The following CHN1 variants were observed in gnomAD, a reference collection of about 807,000 sequenced individuals.
CHN1 encodes the protein N-chimaerin.
A neutral mutation model predicts 59.5 loss-of-function variants in CHN1; 37 were observed. The observed-to-expected ratio is 0.62, with a 90% confidence interval of 0.48 to 0.82. CHN1 has a LOEUF of 0.82. CHN1 is among the 40% of genes least tolerant of loss of function. CHN1 has a pLI of 0.00. For missense variants in CHN1, 469 were observed against 571.0 expected (o/e 0.82, Z 1.82); for synonymous variants, 206 against 200.4 (o/e 1.03, Z -0.24).
At chr2:174,905,061 A>G (rs551538868) in intron 5 of CHN1, among the ~76,000 whole-genome samples, 1 of 152,344 alleles carries the variant, frequency 6.6e-6, no homozygotes, top group South Asian at 2.1e-4. Flanking sequence ...TAATGCCTGG[A>G]AGAGTAAAGA....
rs182717782 is a variant in CHN1 at position 174,884,486 on chromosome 2, A to G, written c.261-6358T>C. 2.4e-4 allele frequency among the ~76,000 whole-genome samples: 37 copies of G among 152,312 alleles called. No individual in the cohort carries two copies. In the East Asian group the frequency reaches 6.6e-3, roughly 27 times the overall value. On this transcript the variant is annotated intron_variant, in intron 5 of 12. Coordinates refer to ENST00000409900, the MANE Select transcript of CHN1 (RefSeq NM_001822.7). ...TTTAACAAGCCTAACAATACTAAGT[A>G]CCAGCAAGGATACAGAGCAGTTAAT...
At chr2:174,870,593 G>C (rs982038644) in intron 6 of CHN1, among the ~76,000 whole-genome samples, 3 of 152,314 alleles carry the variant, frequency 2.0e-5, no homozygotes, top group Middle Eastern at 3.4e-3. Flanking sequence ...GATTCTTTTA[G>C]AACTGCCCGC....
intron 9 of CHN1, 186 bp downstream of exon 9, chr2:174,812,123 C>CT (rs1409684136): frequency 7.0e-6 from 3 of 429,756 alleles, no homozygotes; most frequent in Non-Finnish European, 1.2e-5. Context: ...TTAAATGTAC[C>CT]TTGAAATCAA....
intron 2 of CHN1, among the ~76,000 whole-genome samples, chr2:174,946,294 T>C (rs1689834079): frequency 6.6e-6 from 1 of 152,178 alleles, no homozygotes. Flanking sequence ...TATTAATACA[T>C]AAAATTCTTT....
intron 6 of CHN1, among the ~76,000 whole-genome samples, chr2:174,848,418 G>T (rs764370871): frequency 6.6e-6 from 1 of 152,018 alleles, no homozygotes; most frequent in Non-Finnish European, 1.5e-5. Flanking sequence ...TTTCACTAAG[G>T]TGCTACAGGA....
intron 2 of CHN1, among the ~76,000 whole-genome samples, chr2:174,951,365 T>C (rs545358755): frequency 6.6e-6 from 1 of 152,174 alleles, no homozygotes; most frequent in Non-Finnish European, 1.5e-5. Flanking sequence ...GTCAGCAAAT[T>C]TCAGCAACCT....
intron 1 of CHN1, among the ~76,000 whole-genome samples, chr2:174,998,753 T>C (rs1015857511): frequency 6.6e-6 from 1 of 152,196 alleles, no homozygotes; most frequent in Admixed American, 6.5e-5. Context: ...TTTTTACCTA[T>C]CAATTTTTAA....
At chr2:174,821,854 C>T (rs966665197) in intron 8 of CHN1, 1 of 354,856 alleles carries the variant, frequency 2.8e-6, no homozygotes, top group Non-Finnish European at 5.7e-6. Flanking sequence ...CAAAACTCCC[C>T]ATCTCAATAT....
At chr2:174,879,859 G>A (rs1463481840) in intron 5 of CHN1, among the ~76,000 whole-genome samples, 1 of 152,132 alleles carries the variant, frequency 6.6e-6, no homozygotes, top group East Asian at 1.9e-4. Flanking sequence ...CCAAGCAATG[G>A]TGTCAGTCAT....
intron 3 of CHN1, among the ~76,000 whole-genome samples, chr2:174,922,836 T>C (rs1689052871): frequency 6.6e-6 from 1 of 152,104 alleles, no homozygotes. Context: ...GAGACTAACA[T>C]GGCAAAATCA....
intron 6 of CHN1, chr2:174,847,833 C>T (rs1164895009): frequency 4.5e-5 from 20 of 447,768 alleles, no homozygotes; most frequent in Non-Finnish European, 6.1e-5. Flanking sequence ...ATGAATGAGT[C>T]ATGCATTATT....
chr2:174,867,046 C>CT (rs1030395263), intron 6 of CHN1, among the ~76,000 whole-genome samples: 2 of 145,978 alleles, frequency 1.4e-5, no homozygotes, highest in Admixed American at 1.4e-4. Flanking sequence ...AAAATGACAA[C>CT]TTTTTTTTAC....
intron 1 of CHN1, among the ~76,000 whole-genome samples, chr2:174,958,362 T>C (rs1353747923): frequency 2.0e-5 from 3 of 152,220 alleles, no homozygotes; most frequent in Admixed American, 6.5e-5. Flanking sequence ...TGAGTCCTTC[T>C]AGTGAATTTT....
chr2:174,973,701 G>A (rs567660015), intron 1 of CHN1, among the ~76,000 whole-genome samples: 5 of 152,310 alleles, frequency 3.3e-5, no homozygotes, highest in Non-Finnish European at 5.9e-5. Flanking sequence ...TGGCAGTGCA[G>A]GACAGCGGTG....
intron 1 of CHN1, among the ~76,000 whole-genome samples, chr2:174,955,451 A>G (rs568301446): frequency 6.6e-6 from 1 of 152,094 alleles, no homozygotes; most frequent in Non-Finnish European, 1.5e-5. Flanking sequence ...ACACAAAGGC[A>G]TAAGAATGAT....
At chr2:174,938,216 A>G (rs1449088712) in intron 3 of CHN1, among the ~76,000 whole-genome samples, 1 of 152,180 alleles carries the variant, frequency 6.6e-6, no homozygotes, top group Non-Finnish European at 1.5e-5. Context: ...CTTACAGCTC[A>G]TGATTCTCAA....
chr2:174,886,752 A>G (rs937660580), intron 5 of CHN1, among the ~76,000 whole-genome samples: 6 of 152,196 alleles, frequency 3.9e-5, no homozygotes, highest in Non-Finnish European at 5.9e-5. Context: ...AAATTTGGTC[A>G]AGTACATGCC....
At chr2:174,901,570 T>C (rs1358916854) in intron 5 of CHN1, among the ~76,000 whole-genome samples, 29 of 152,302 alleles carry the variant, frequency 1.9e-4, no homozygotes, top group Non-Finnish European at 1.5e-5. Flanking sequence ...TCTAATCCTC[T>C]CTCTACCTAA....
At chr2:174,850,034 A>G (rs1686677612) in intron 6 of CHN1, among the ~76,000 whole-genome samples, 1 of 152,214 alleles carries the variant, frequency 6.6e-6, no homozygotes, top group African/African-American at 2.4e-5. Flanking sequence ...GTAGTAACCA[A>G]GATCTTATGA....
Sources: allele counts gnomAD v4.1 joint callset (sites outside exome capture counted in the v4.1 genomes callset), GRCh38; gene constraint gnomAD v4.1.1; transcripts MANE v1.5; gene names NCBI Gene and HGNC (gene_info 2026-07-23, HGNC 2026-07-21).